Variants in TNFSF4 observed in about 807,000 individuals in gnomAD.
TNFSF4 encodes TNF superfamily member 4, also known as tumor necrosis factor ligand superfamily member 4.
In TNFSF4, 4 loss-of-function variants were observed where a neutral mutation model predicts 7.3. That is an observed-to-expected ratio of 0.55 (90% CI 0.27 to 1.25). TNFSF4 has a LOEUF of 1.25. Ranked by LOEUF, TNFSF4 falls within the 50% of genes most tolerant of loss-of-function variation. The probability of loss-of-function intolerance (pLI) is 0.12; values close to 1 mark genes in which losing one functional copy is unlikely to be tolerated. For synonymous variants in TNFSF4, 76 were observed against 83.7 expected (o/e 0.91, Z 0.50); for missense variants, 181 against 208.8 (o/e 0.87, Z 0.82).
chr1:173,362,563 C>A, the TNFSF4 span: 2 of 533,840 alleles, frequency 3.7e-6, no homozygotes, highest in South Asian at 1.5e-5. Context: ...CTCCGATTCT[C>A]ACACTAAGTT....
At chr1:173,253,199 G>A in the TNFSF4 span, among the ~76,000 whole-genome samples, 9 of 152,046 alleles carry the variant, frequency 5.9e-5, no homozygotes, top group Non-Finnish European at 8.8e-5. Flanking sequence ...TTTTCTTCAA[G>A]CCCTATACTT....
the TNFSF4 span, among the ~76,000 whole-genome samples, chr1:173,444,412 A>G: frequency 1.2e-3 from 189 of 152,240 alleles, 1 homozygote; most frequent in African/African-American, 4.4e-3. Flanking sequence ...AGTTTGGATA[A>G]TTTATAAAAT....
the TNFSF4 span, among the ~76,000 whole-genome samples, chr1:173,352,372 C>A: frequency 6.6e-6 from 1 of 152,186 alleles, no homozygotes. Context: ...AATATTTCAA[C>A]GTACGTTATT....
chr1:173,318,353 G>A, the TNFSF4 span, among the ~76,000 whole-genome samples: 1 of 152,112 alleles, frequency 6.6e-6, no homozygotes, highest in East Asian at 1.9e-4. Flanking sequence ...ATCTCCTAAT[G>A]AGGTCTATTT....
chr1:173,269,298 T>C, the TNFSF4 span, among the ~76,000 whole-genome samples: 1 of 152,120 alleles, frequency 6.6e-6, no homozygotes. Flanking sequence ...TTTATATAGA[T>C]AAACCCTATG....
At chr1:173,448,576 C>T in the TNFSF4 span, among the ~76,000 whole-genome samples, 3 of 152,128 alleles carry the variant, frequency 2.0e-5, no homozygotes, top group African/African-American at 4.8e-5. Context: ...AGGAAAATTA[C>T]AGTCAAAGGA....
chr1:173,364,668 A>T, the TNFSF4 span, among the ~76,000 whole-genome samples: 2 of 152,070 alleles, frequency 1.3e-5, no homozygotes, highest in Admixed American at 1.3e-4. Context: ...TTACAATTAA[A>T]CTAATTATAT....
At chr1:173,282,749 A>C in the TNFSF4 span, among the ~76,000 whole-genome samples, 1 of 152,262 alleles carries the variant, frequency 6.6e-6, no homozygotes, top group East Asian at 1.9e-4. Context: ...GAGCTACCAC[A>C]CTGGGCCTAA....
the TNFSF4 span, among the ~76,000 whole-genome samples, chr1:173,230,415 G>A: frequency 6.6e-6 from 1 of 152,196 alleles, no homozygotes; most frequent in Admixed American, 6.5e-5. Context: ...GAATCTCTGG[G>A]ACACATTCAA....
chr1:173,407,026 G>C, the TNFSF4 span, among the ~76,000 whole-genome samples: 8 of 152,162 alleles, frequency 5.3e-5, no homozygotes, highest in Non-Finnish European at 7.3e-5. Context: ...AGCAGCAGCA[G>C]GATGAGAAGG....
the TNFSF4 span, among the ~76,000 whole-genome samples, chr1:173,344,938 C>G: frequency 6.6e-6 from 1 of 152,190 alleles, no homozygotes; most frequent in African/African-American, 2.4e-5. Context: ...TCCATGCAAC[C>G]TCTCTCATTG....
At chr1:173,371,346 G>T in the TNFSF4 span, among the ~76,000 whole-genome samples, 1 of 152,158 alleles carries the variant, frequency 6.6e-6, no homozygotes, top group Non-Finnish European at 1.5e-5. Flanking sequence ...TATTAGGGAG[G>T]GATATATTAG....
At chr1:173,239,603 C>T in the TNFSF4 span, among the ~76,000 whole-genome samples, 1 of 152,200 alleles carries the variant, frequency 6.6e-6, no homozygotes, top group African/African-American at 2.4e-5. Flanking sequence ...TGTCTGTGAT[C>T]AAGCAGCTTG....
the TNFSF4 span, among the ~76,000 whole-genome samples, chr1:173,401,895 T>C: frequency 6.6e-6 from 1 of 152,368 alleles, no homozygotes; most frequent in South Asian, 2.1e-4. Context: ...TCCTATCTTA[T>C]ATGGGCAATG....
the TNFSF4 span, among the ~76,000 whole-genome samples, chr1:173,424,842 C>T: frequency 6.6e-6 from 1 of 152,214 alleles, no homozygotes; most frequent in Admixed American, 6.5e-5. Context: ...TCTACATGAC[C>T]TCAGGCAAAT....
the TNFSF4 span, among the ~76,000 whole-genome samples, chr1:173,268,404 G>T: frequency 6.6e-6 from 1 of 152,058 alleles, no homozygotes; most frequent in African/African-American, 2.4e-5. Flanking sequence ...AAAGAGACCT[G>T]AAATGGAAAT....
the TNFSF4 span, among the ~76,000 whole-genome samples, chr1:173,382,115 G>A: frequency 6.6e-6 from 1 of 151,994 alleles, no homozygotes; most frequent in Non-Finnish European, 1.5e-5. Context: ...TCACTCTTTG[G>A]GTCCACACTA....
chr1:173,333,110 C>A, the TNFSF4 span, among the ~76,000 whole-genome samples: 1 of 152,138 alleles, frequency 6.6e-6, no homozygotes, highest in Admixed American at 6.5e-5. Context: ...CTTCAGGACA[C>A]AAGGGGCAAC....
chr1:173,217,643 G>A, the TNFSF4 span, among the ~76,000 whole-genome samples: 5 of 152,156 alleles, frequency 3.3e-5, no homozygotes, highest in African/African-American at 1.2e-4. Flanking sequence ...ACCAGCAAAT[G>A]ACTAGGCTAG....
Sources: allele counts gnomAD v4.1 joint callset (sites outside exome capture counted in the v4.1 genomes callset), GRCh38; gene constraint gnomAD v4.1.1; transcripts MANE v1.5; gene names NCBI Gene and HGNC (gene_info 2026-07-23, HGNC 2026-07-21).